The following TRIM2 variants were observed in gnomAD, a reference collection of about 807,000 sequenced individuals.
TRIM2 encodes the protein tripartite motif containing 2.
A neutral mutation model predicts 75.2 loss-of-function variants in TRIM2; 20 were observed. The observed-to-expected ratio is 0.27, with a 90% CI of 0.19 to 0.39. TRIM2 has a LOEUF of 0.39. Among genes scored for constraint, TRIM2 ranks in the 10% least tolerant of loss-of-function variants. The probability of loss-of-function intolerance (pLI) is 1.00; values close to 1 mark genes in which losing one functional copy is unlikely to be tolerated. For missense variants in TRIM2, 660 were observed against 990.8 expected, an observed-to-expected ratio of 0.67 and a Z score of 4.48; for synonymous variants, 373 against 388.3, an observed-to-expected ratio of 0.96 and a Z score of 0.46.
At chr4:153,316,835 G>A (rs987246527) in intron 8 of TRIM2, among the ~76,000 whole-genome samples, 1 of 143,184 alleles carries the variant, frequency 7.0e-6, no homozygotes, top group Non-Finnish European at 1.5e-5. Flanking sequence ...TGTGAGACAC[G>A]TCGTCAAAGA....
At chr4:153,245,406 A>G (rs549879917) in intron 1 of TRIM2, among the ~76,000 whole-genome samples, 2 of 152,380 alleles carry the variant, frequency 1.3e-5, no homozygotes, top group South Asian at 4.1e-4. Flanking sequence ...CCTCTGAAGC[A>G]AAATCTACTA....
At chr4:153,330,739 A>G (rs115252110) in intron 11 of TRIM2, among the ~76,000 whole-genome samples, 1 of 152,290 alleles carries the variant, frequency 6.6e-6, no homozygotes, top group African/African-American at 2.4e-5. Context: ...ATCTATGAAA[A>G]CCATAGCTAA....
At chr4:153,320,644 T>A (rs1768722360) in intron 8 of TRIM2, among the ~76,000 whole-genome samples, 1 of 152,190 alleles carries the variant, frequency 6.6e-6, no homozygotes, top group Admixed American at 6.5e-5. Flanking sequence ...TTGTTGTTGT[T>A]GTTTTCGAGA....
intron 11 of TRIM2, among the ~76,000 whole-genome samples, chr4:153,334,214 A>C (rs754012573): frequency 1.3e-5 from 2 of 152,120 alleles, no homozygotes; most frequent in Non-Finnish European, 2.9e-5. Context: ...ATAGGAATAC[A>C]AGTGAAAGCT....
At chr4:153,193,387 T>TC (rs1405818501) in intron 1 of TRIM2, among the ~76,000 whole-genome samples, 4 of 152,148 alleles carry the variant, frequency 2.6e-5, no homozygotes, top group Admixed American at 6.5e-5. Flanking sequence ...CGCCTTGTCC[T>TC]CCCAAAGTGC....
chr4:153,186,823 A>AG (rs1560794823), intron 1 of TRIM2, among the ~76,000 whole-genome samples: 1 of 152,164 alleles, frequency 6.6e-6, no homozygotes, highest in Admixed American at 6.5e-5. Flanking sequence ...GGAGAATATG[A>AG]GAAAAAAAAC....
In TRIM2 at chr4:153,325,354, G is replaced by A. The variant is rs772310879; in HGVS notation, c.2022+1206G>A. On this transcript the variant is annotated intron_variant, in intron 10 of 11. Transcript: ENST00000338700. Reference sequence around the variant, plus strand: ...CTCCCTGCCATATTGTCTCTCCAGAGATGCTCACATGGTGGCATAGGTCCC... The same window carrying A: ...CTCCCTGCCATATTGTCTCTCCAGAAATGCTCACATGGTGGCATAGGTCCC... 5.1e-4 allele frequency among the ~76,000 whole-genome samples: 78 copies of A among 152,218 alleles called. 1 individual carries two copies. The highest frequency in any genetic ancestry group is 1.6e-4 in the Non-Finnish European group (11 of 68,036).
At chr4:153,308,547 G>C in intron 6 of TRIM2, 1 of 715,512 alleles carries the variant, frequency 1.4e-6, no homozygotes, top group Non-Finnish European at 2.6e-6. Context: ...GGTAGGTGAA[G>C]GCAATATCCT....
intron 1 of TRIM2, among the ~76,000 whole-genome samples, chr4:153,240,584 C>A (rs1159968256): frequency 6.6e-6 from 1 of 152,188 alleles, no homozygotes; most frequent in African/African-American, 2.4e-5. Flanking sequence ...ACTACCTACG[C>A]TTCTAGGGCT....
At chr4:153,266,344 G>GTTTTTT (rs768231926) in intron 1 of TRIM2, among the ~76,000 whole-genome samples, 2 of 120,030 alleles carry the variant, frequency 1.7e-5, no homozygotes, top group Non-Finnish European at 3.3e-5. Flanking sequence ...TAATTTTTGG[G>GTTTTTT]TTTTTTTTTT....
intron 1 of TRIM2, among the ~76,000 whole-genome samples, chr4:153,181,806 C>G (rs1006015410): frequency 6.6e-6 from 1 of 152,116 alleles, no homozygotes; most frequent in African/African-American, 2.4e-5. Context: ...CCTGCCTTGC[C>G]CCTTTCTTGG....
intron 2 of TRIM2, among the ~76,000 whole-genome samples, chr4:153,271,592 C>G (rs1005976702): frequency 2.0e-5 from 3 of 151,802 alleles, no homozygotes; most frequent in Non-Finnish European, 4.4e-5. Flanking sequence ...TGTGCGTGTG[C>G]TTGTGTATAT....
chr4:153,294,542 G>T, intron 5 of TRIM2, 57 bp downstream of exon 5: 1 of 1,557,418 alleles, frequency 6.4e-7, no homozygotes, highest in Admixed American at 1.9e-5. Flanking sequence ...AAGGGCACTA[G>T]CTTATTGTTT....
chr4:153,318,510 C>G (rs1371654), intron 8 of TRIM2, among the ~76,000 whole-genome samples: 1 of 152,072 alleles, frequency 6.6e-6, no homozygotes, highest in African/African-American at 2.4e-5. Flanking sequence ...AATCTCCTGC[C>G]TTTCTGTAGC....
chr4:153,253,494 T>TA (rs904194594), intron 1 of TRIM2, among the ~76,000 whole-genome samples: 2 of 152,098 alleles, frequency 1.3e-5, no homozygotes, highest in Admixed American at 6.5e-5. Flanking sequence ...GAGCCACTGC[T>TA]AAAAAAATAC....
chr4:153,331,350 T>A (rs1214516707), intron 11 of TRIM2, among the ~76,000 whole-genome samples: 8 of 152,064 alleles, frequency 5.3e-5, no homozygotes, highest in Non-Finnish European at 1.2e-4. Context: ...AAAATTATAT[T>A]TTTATAAACT....
rs1019686466 is a variant in TRIM2, at chr4:153,338,893, G to C, written c.*3927G>C. ...ATCAATGGAGTGTATTCTTGTAATA[G>C]AATTCTTTATATCGTTCTCAATTCT... On this transcript the variant is annotated 3_prime_UTR_variant, in exon 12 of 12. Transcript: ENST00000338700. The C allele has an allele frequency of 3.0e-5, 30 of 984,718 alleles. No homozygotes were observed. The African/African-American group carries it at 5.3e-4, about 17-fold the overall frequency. The allele number at this position is 984,718 out of a possible 1,614,324, so 61.0% of individuals were successfully genotyped here. A position where few individuals can be genotyped will look rare whatever the true frequency, so the allele number is the denominator to read the frequency against.
Position 153,204,465 on chromosome 4 carries a change from G to A in TRIM2, c.-66G>A, listed in dbSNP as rs1236902941. The A allele has an allele frequency of 2.6e-6, 4 of 1,539,116 alleles. No individual in the cohort carries two copies. Among genetic ancestry groups the A allele is most frequent in the Non-Finnish European group, 3.5e-6 (4 of 1,135,928 alleles). On this transcript the variant is annotated 5_prime_UTR_variant, in exon 1 of 12. Coordinates refer to ENST00000338700, the MANE Select transcript of TRIM2 (RefSeq NM_015271.5). ...CTCGGCAGCTTGATGACTATAATGGGCCCAGTTGTCTGCGGGCTGCGGGGA... is the reference window on the plus strand; with the variant it reads ...CTCGGCAGCTTGATGACTATAATGGACCCAGTTGTCTGCGGGCTGCGGGGA...
In TRIM2 at chr4:153,295,253, T is replaced by TAAAAA; in HGVS notation, c.787-60_787-59insAAAAA. On this transcript the variant is annotated intron_variant, in intron 5 of 11. Coordinates refer to ENST00000338700, the MANE Select transcript of TRIM2 (RefSeq NM_015271.5). This position sits in a 1 kb window ranked among gnomAD's most constrained non-coding sequence, Gnocchi z 7.2. Reference sequence around the variant, plus strand: ...TCTCCTTCTCGCCGGTGGAGGGCACTGCCCCGGGCTAGGCCCCGCCCTGTG... The same window carrying TAAAAA: ...TCTCCTTCTCGCCGGTGGAGGGCACTAAAAAGCCCCGGGCTAGGCCCCGCCCTGTG... 2.0e-6 allele frequency: 3 copies of TAAAAA among 1,466,680 alleles called. No individual in the cohort carries two copies. Among genetic ancestry groups the TAAAAA allele is most frequent in the Admixed American group, 5.2e-5 (2 of 38,684 alleles). The allele number at this position is 1,466,680 out of a possible 1,614,324, so 90.9% of individuals were successfully genotyped here.
Sources: allele counts gnomAD v4.1 joint callset (sites outside exome capture counted in the v4.1 genomes callset), GRCh38; gene constraint gnomAD v4.1.1; non-coding constraint Gnocchi (gnomAD v3.1); transcripts MANE v1.5; gene names NCBI Gene and HGNC (gene_info 2026-07-23, HGNC 2026-07-21).